Variants in NR4A1 observed in about 807,000 individuals in gnomAD.
NR4A1 encodes the protein nuclear receptor subfamily 4 group A member 1.
Under a neutral mutation model 47.5 loss-of-function variants are expected in NR4A1, and 24 were observed. The observed-to-expected ratio is 0.50, with a 90% CI of 0.37 to 0.71. NR4A1 has a LOEUF of 0.71. Among genes scored for constraint, NR4A1 ranks in the 30% least tolerant of loss-of-function variants. The pLI, the probability that NR4A1 is intolerant of heterozygous loss-of-function variation, is 0.00. For missense variants in NR4A1, 669 were observed against 788.6 expected (o/e 0.85, Z 1.82); for synonymous variants, 353 against 345.7 (o/e 1.02, Z -0.24).
chr12:52,043,531 C>A, intron 2 of NR4A1: 1 of 388,668 alleles, frequency 2.6e-6, no homozygotes, highest in Non-Finnish European at 4.4e-6. Context: ...CACCTGTCTG[C>A]CAGGCCTGGG....
intron 1 of NR4A1, among the ~76,000 whole-genome samples, chr12:52,052,268 C>CGTGTGTGT (rs60552358): frequency 0.014 from 1,814 of 129,764 alleles, 29 homozygotes; most frequent in African/African-American, 0.039. Context: ...GCTTGGATCA[C>CGTGTGTGT]GTGTGTGTGT....
At chr12:52,033,927 T>C (rs1938184750) in intron 1 of NR4A1, among the ~76,000 whole-genome samples, 1 of 152,130 alleles carries the variant, frequency 6.6e-6, no homozygotes, top group Non-Finnish European at 1.5e-5. Flanking sequence ...CCCCTTGACA[T>C]CCTTTTACCC....
At chr12:52,050,540 C>T (rs1342184477), upstream of NR4A1, among the ~76,000 whole-genome samples, 1 of 152,218 alleles carries the variant, frequency 6.6e-6, no homozygotes, top group South Asian at 2.1e-4. Context: ...TTCTGAAATT[C>T]GGTAATTTCC....
intron 2 of NR4A1, chr12:52,045,675 A>C: frequency 3.1e-6 from 1 of 326,632 alleles, no homozygotes; most frequent in South Asian, 2.2e-5. Flanking sequence ...CTCCTGGACA[A>C]AGATGCCTCT....
intron 2 of NR4A1, among the ~76,000 whole-genome samples, chr12:52,043,152 T>G (rs946651671): frequency 2.0e-5 from 3 of 152,160 alleles, no homozygotes; most frequent in African/African-American, 7.2e-5. Flanking sequence ...CAGCAGGTGC[T>G]GTACCACCAA....
chr12:52,057,471 A>G lies in NR4A1; in HGVS notation c.1481A>G (p.His494Arg), dbSNP rs768544197. Reference protein sequence around the residue: ...DSILAFSRSLHSLLVDVPAFA... With the variant: ...DSILAFSRSLRSLLVDVPAFA... ...ATCCTGGCCTTCTCAAGGTCCCTGCACAGCTTGCTTGTCGATGTCCCTGCC... is the reference window on the plus strand; with the variant it reads ...ATCCTGGCCTTCTCAAGGTCCCTGCGCAGCTTGCTTGTCGATGTCCCTGCC... Residue 494 changes from histidine (H) to arginine (R), a missense_variant, in exon 6 of 7, where the codon CAC (histidine) becomes CGC (arginine). Physicochemically the swap from His to Arg is conservative, Grantham distance 29. Transcript: ENST00000394825. 6.2e-6 allele frequency: 10 copies of G among 1,614,214 alleles called. No homozygotes were observed. The highest frequency in any genetic ancestry group is 8.5e-6 in the Non-Finnish European group (10 of 1,180,048).
In NR4A1 at chr12:52,043,419, G is replaced by T. The variant is rs142226939; in HGVS notation, c.37+1490G>T. 380 of 212,138 alleles carry T rather than the reference G, an allele frequency of 1.8e-3. 1 individual carries two copies. Among genetic ancestry groups the T allele is most frequent in the African/African-American group, 7.8e-3 (340 of 43,354 alleles). The allele number at this position is 212,138 out of a possible 1,614,324, so 13.1% of individuals were successfully genotyped here. A position where few individuals can be genotyped will look rare whatever the true frequency, so the allele number is the denominator to read the frequency against. On this transcript the variant is annotated intron_variant, in intron 2 of 7. Coordinates refer to the NR4A1 transcript ENST00000360284. ...ACCTCGTTGTCTGGGTGATGGTGGT[G>T]ATTGGGTGGAACTCCCATGCCAGAT... is the stretch of plus-strand genomic sequence containing the variant.
In NR4A1 at chr12:52,057,260, G is replaced by T; in HGVS notation, c.1361+1G>T. On this transcript the variant is annotated splice_donor_variant, in intron 5 of 6. Coordinates refer to ENST00000394825, the MANE Select transcript of NR4A1 (RefSeq NM_173157.3). LOFTEE classifies it high-confidence loss of function. ...TCTTCATCCTCCGCCTGGCGTACAG[G>T]TGAGAGCCACTGACTGTCTGCCCAG... is the stretch of plus-strand genomic sequence containing the variant. The T allele has an allele frequency of 6.2e-7, 1 of 1,613,606 alleles. No homozygotes were observed. Among genetic ancestry groups the T allele is most frequent in the Non-Finnish European group, 8.5e-7 (1 of 1,179,806 alleles).
At chr12:52,053,882 G>A (rs753879492) in intron 1 of NR4A1, 28 of 171,116 alleles carry the variant, frequency 1.6e-4, no homozygotes, top group South Asian at 1.1e-3. Context: ...CCTGGTTGGC[G>A]AAACAACCAG....
At chr12:52,043,524 C>T (rs1378308783) in intron 2 of NR4A1, 15 of 364,396 alleles carry the variant, frequency 4.1e-5, no homozygotes, top group Non-Finnish European at 6.3e-5. Flanking sequence ...ACGTGGGCAC[C>T]TGTCTGCCAG....
At chr12:52,049,346 G>A (rs1266331655), upstream of NR4A1, among the ~76,000 whole-genome samples, 3 of 152,232 alleles carry the variant, frequency 2.0e-5, no homozygotes, top group African/African-American at 2.4e-5. Context: ...TGTGTATGAA[G>A]ACTGCTCCAT....
At position 52,038,565 on chromosome 12, in the gene NR4A1, C is replaced by T; in HGVS notation, c.-83-3245C>T. 3 of 619,654 alleles carry T rather than the reference C, an allele frequency of 4.8e-6. No individual in the cohort carries two copies. The South Asian group carries it at 5.4e-5, about 11-fold the overall frequency. The allele number at this position is 619,654 out of a possible 1,614,324, so 38.4% of individuals were successfully genotyped here. ...GGGTGCTGATGGATTTGGGGGCTGT[C>T]GTCGGCCTGGCTTGGGGCCCTAGTG... On this transcript the variant is annotated intron_variant, in intron 1 of 7. Coordinates refer to the NR4A1 transcript ENST00000360284.
intron 2 of NR4A1, among the ~76,000 whole-genome samples, chr12:52,044,906 C>T (rs757439808): frequency 6.6e-6 from 1 of 151,182 alleles, no homozygotes; most frequent in African/African-American, 2.4e-5. Flanking sequence ...TTTCCAGCCC[C>T]GTCTGGTGGT....
Position 52,037,596 on chromosome 12 carries a change from G to A in NR4A1, c.-83-4214G>A, listed in dbSNP as rs1166013494. The stretch of plus-strand genomic sequence containing the variant: ...GGGGGACTGGATTCCCAGCGGAACC[G>A]CTGGCTCCGAGTCAGCCCCCAAGGG... On this transcript the variant is annotated intron_variant, in intron 1 of 7. Coordinates refer to the NR4A1 transcript ENST00000360284. The A allele has an allele frequency of 8.1e-6, 8 of 984,512 alleles. No homozygotes were observed. In the South Asian group the frequency reaches 3.8e-4, roughly 46 times the overall value. 61.0% of individuals were successfully genotyped at this position (984,512 alleles called of 1,614,324 possible).
intron 1 of NR4A1, among the ~76,000 whole-genome samples, chr12:52,033,709 AG>A (rs1243503877): frequency 1.3e-5 from 2 of 152,244 alleles, no homozygotes; most frequent in African/African-American, 4.8e-5. Context: ...AGACAGCCCC[AG>A]GAAGACCCGT....
chr12:52,057,328 T>A, intron 5 of NR4A1, 24 bp from the exon 6 acceptor site: 1 of 1,614,056 alleles, frequency 6.2e-7, no homozygotes, highest in Non-Finnish European at 8.5e-7. Context: ...CCCTGATCGC[T>A]CTTCGTGCCC....
rs137975531 is a variant in NR4A1, at chr12:52,057,151, G to A, written c.1253G>A (p.Arg418His). Residue 418 changes from arginine to histidine, a missense_variant, in exon 5 of 7, where the codon CGC becomes CAC. By Grantham distance (29) the Arg-to-His change is conservative. Transcript: ENST00000394825. ...CTCTCCGGTTCTCTGGAGGTCATCC[G>A]CAAGTGGGCGGAGAAGATCCCTGGC... ...DLLSGSLEVI[R>H]KWAEKIPGFA... 1.4e-3 allele frequency: 2,207 copies of A among 1,614,064 alleles called. 52 individuals are homozygous for A. The Admixed American group carries it at 0.035, about 26-fold the overall frequency.
upstream of NR4A1, among the ~76,000 whole-genome samples, chr12:52,048,589 G>A (rs185275392): frequency 5.3e-5 from 8 of 152,102 alleles, no homozygotes; most frequent in Non-Finnish European, 1.2e-4. Context: ...GCGAGACTCC[G>A]TCTTAAAAAA....
rs1939447460 is a variant in NR4A1, at chr12:52,059,416, A to G, written c.*472A>G. Reference sequence around the variant, plus strand: ...ACAAATGACAGATTCTGACATTTATATTTGTGTATTTTCCTGGATTTATAG... The same window carrying G: ...ACAAATGACAGATTCTGACATTTATGTTTGTGTATTTTCCTGGATTTATAG... On this transcript the variant is annotated 3_prime_UTR_variant, in exon 7 of 7. Transcript: ENST00000394825. 2 of 154,412 alleles carry G rather than the reference A, an allele frequency of 1.3e-5. No individual in the cohort carries two copies. The highest frequency in any genetic ancestry group is 4.8e-5 in the African/African-American group (2 of 41,524). The allele number at this position is 154,412 out of a possible 1,614,324, so 9.6% of individuals were successfully genotyped here.
Sources: allele counts gnomAD v4.1 joint callset (sites outside exome capture counted in the v4.1 genomes callset), GRCh38; gene constraint gnomAD v4.1.1; transcripts MANE v1.5; gene names NCBI Gene and HGNC (gene_info 2026-07-23, HGNC 2026-07-21).